CSMD2: variants seen among roughly 807,000 people sequenced by gnomAD.
CSMD2 encodes CUB and Sushi multiple domains 2.
In CSMD2, 130 loss-of-function variants were observed where a neutral mutation model predicts 398.5. The observed-to-expected ratio is 0.33, with a 90% CI of 0.28 to 0.38. The LOEUF (loss-of-function observed/expected upper bound fraction) is 0.38. CSMD2 is among the 10% of genes least tolerant of loss of function. The probability of loss-of-function intolerance (pLI) is 1.00; values close to 1 mark genes in which losing one functional copy is unlikely to be tolerated. For synonymous variants in CSMD2, 1,828 were observed against 1,908.5 expected, an observed-to-expected ratio of 0.96 and a Z score of 1.10; for missense variants, 3,829 against 4,764.9, an observed-to-expected ratio of 0.80 and a Z score of 5.78.
intron 25 of CSMD2, among the ~76,000 whole-genome samples, chr1:33,669,394 C>T (rs1163290654): frequency 1.3e-5 from 2 of 152,210 alleles, no homozygotes; most frequent in Non-Finnish European, 2.9e-5. Flanking sequence ...TTTCAATCCA[C>T]CTTTTCCATC....
At chr1:33,648,825 C>A (rs1274417940) in intron 28 of CSMD2, among the ~76,000 whole-genome samples, 1 of 152,118 alleles carries the variant, frequency 6.6e-6, no homozygotes, top group South Asian at 2.1e-4. Context: ...CCTGATTTGG[C>A]TCCTTCTTAT....
intron 55 of CSMD2, among the ~76,000 whole-genome samples, chr1:33,556,211 C>T (rs1026274485): frequency 4.6e-5 from 7 of 152,086 alleles, no homozygotes; most frequent in African/African-American, 1.7e-4. Flanking sequence ...AATTTGAGTC[C>T]ACTAGGGGCT....
intron 5 of CSMD2, among the ~76,000 whole-genome samples, chr1:33,894,820 C>A (rs1346007177): frequency 1.3e-5 from 2 of 152,162 alleles, no homozygotes; most frequent in African/African-American, 4.8e-5. Context: ...TCTTCTGGGA[C>A]CTCTGTCTTG....
intron 5 of CSMD2, among the ~76,000 whole-genome samples, chr1:33,903,657 T>C (rs539405096): frequency 2.6e-4 from 40 of 152,242 alleles, no homozygotes; most frequent in Non-Finnish European, 5.1e-4. Context: ...TAGGGGCTTG[T>C]CACGGTTCTG....
At chr1:33,891,849 T>A (rs1642037490) in intron 5 of CSMD2, among the ~76,000 whole-genome samples, 1 of 129,962 alleles carries the variant, frequency 7.7e-6, no homozygotes, top group African/African-American at 3.0e-5. Flanking sequence ...AATTGAACAC[T>A]GAGAACACAT....
At chr1:33,894,201 A>G (rs540450297) in intron 5 of CSMD2, among the ~76,000 whole-genome samples, 2 of 152,066 alleles carry the variant, frequency 1.3e-5, no homozygotes, top group African/African-American at 4.8e-5. Flanking sequence ...GCTGGGTCTC[A>G]CTCCAGAGCT....
intron 15 of CSMD2, among the ~76,000 whole-genome samples, chr1:33,738,254 G>A (rs1019893906): frequency 2.0e-5 from 3 of 152,114 alleles, no homozygotes; most frequent in Non-Finnish European, 4.4e-5. Context: ...CTCCTAAAAG[G>A]AGAGAATCAC....
intron 15 of CSMD2, among the ~76,000 whole-genome samples, chr1:33,728,664 T>C (rs1232332348): frequency 6.6e-6 from 1 of 152,212 alleles, no homozygotes; most frequent in Non-Finnish European, 1.5e-5. Flanking sequence ...TGACACATAA[T>C]AGTGCTACAA....
intron 5 of CSMD2, 127 bp downstream of exon 5, chr1:33,917,967 C>T (rs898895958): frequency 2.9e-6 from 2 of 701,178 alleles, no homozygotes; most frequent in Admixed American, 2.7e-5. Context: ...AGGACTCTAA[C>T]AGTAGGTATA....
chr1:33,860,234 A>G (rs549251004), intron 5 of CSMD2, among the ~76,000 whole-genome samples: 1 of 152,322 alleles, frequency 6.6e-6, no homozygotes, highest in Non-Finnish European at 1.5e-5. Flanking sequence ...TCCAATCTGC[A>G]TCAGTTTCTT....
At chr1:33,637,035 G>A (rs1439793951) in intron 29 of CSMD2, among the ~76,000 whole-genome samples, 1 of 152,232 alleles carries the variant, frequency 6.6e-6, no homozygotes, top group Non-Finnish European at 1.5e-5. Flanking sequence ...CACCTGAGAA[G>A]CAGGGCAGAC....
chr1:33,846,651 C>T (rs1638262174), intron 6 of CSMD2, among the ~76,000 whole-genome samples: 1 of 152,200 alleles, frequency 6.6e-6, no homozygotes, highest in South Asian at 2.1e-4. Context: ...ATTAGCCTGG[C>T]ATGTGAGGGG....
chr1:33,862,273 T>C (rs1639576296), intron 5 of CSMD2: 1 of 151,678 alleles, frequency 6.6e-6, no homozygotes, highest in South Asian at 2.1e-4. Context: ...TCCCGATAGC[T>C]ATTGTGGGTT....
intron 43 of CSMD2, among the ~76,000 whole-genome samples, 193 bp from the exon 44 acceptor site, chr1:33,601,203 A>C (rs1640195410): frequency 6.6e-6 from 1 of 152,130 alleles, no homozygotes; most frequent in Admixed American, 6.5e-5. Context: ...TAGTTGATAG[A>C]ATTGGTGAAG....
In CSMD2 at chr1:34,012,482, C is replaced by T. The variant is rs1215049460; in HGVS notation, c.517+20112G>A. On this transcript the variant is annotated intron_variant, in intron 3 of 70. Coordinates refer to ENST00000373381, the MANE Select transcript of CSMD2 (RefSeq NM_001281956.2). ...CTTTTTTGAGAGTCTTGCTTTGTCACCCAGGCTGGAGTACAATGGCGTGAT... is the reference window on the plus strand; with the variant it reads ...CTTTTTTGAGAGTCTTGCTTTGTCATCCAGGCTGGAGTACAATGGCGTGAT... Among the ~76,000 whole-genome samples, 5 of 151,848 alleles carry T rather than the reference C, an allele frequency of 3.3e-5. 1 individual carries two copies. The highest frequency in any genetic ancestry group is 6.6e-5 in the Admixed American group (1 of 15,238).
chr1:33,574,409 T>C (rs368920885), intron 49 of CSMD2, among the ~76,000 whole-genome samples: 4 of 152,318 alleles, frequency 2.6e-5, no homozygotes, highest in African/African-American at 4.8e-5. Context: ...GTAATACTTA[T>C]AAATCATCCT....
At chr1:34,054,936 T>C (rs2148237804) in intron 2 of CSMD2, among the ~76,000 whole-genome samples, 1 of 152,324 alleles carries the variant, frequency 6.6e-6, no homozygotes, top group Non-Finnish European at 1.5e-5. Flanking sequence ...TTATTTTTTC[T>C]AAGTCATTTT....
chr1:33,607,085 T>G (rs1640665037), intron 41 of CSMD2, among the ~76,000 whole-genome samples: 1 of 152,182 alleles, frequency 6.6e-6, no homozygotes. Flanking sequence ...ATGCCATTAT[T>G]TTAAAACATT....
At chr1:33,951,413 A>T (rs1474646867) in intron 3 of CSMD2, among the ~76,000 whole-genome samples, 1 of 152,184 alleles carries the variant, frequency 6.6e-6, no homozygotes, top group African/African-American at 2.4e-5. Flanking sequence ...GTGCTCTTGT[A>T]TTTAAAAAAC....
Sources: gnomAD v4.1 joint callset for allele counts (sites outside exome capture counted in the v4.1 genomes callset) on GRCh38, gnomAD v4.1.1 for gene constraint, MANE v1.5 for transcripts, NCBI Gene and HGNC (gene_info 2026-07-23, HGNC 2026-07-21) for gene names.